ERICH3: variants seen among roughly 807,000 people sequenced by gnomAD.
ERICH3 encodes glutamate-rich protein 3.
A neutral mutation model predicts 131.1 loss-of-function variants in ERICH3; 126 were observed. The ratio of observed to expected loss-of-function variants is 0.96; its 90% CI spans 0.83 to 1.11. The LOEUF (loss-of-function observed/expected upper bound fraction) is 1.11, where lower values mean the gene tolerates loss of function less well. Ranked by LOEUF, ERICH3 falls within the 50% of genes most tolerant of loss-of-function variation. The probability of loss-of-function intolerance (pLI) is 0.00; values close to 1 mark genes in which losing one functional copy is unlikely to be tolerated. For missense variants in ERICH3, 2,050 were observed against 1,810.7 expected, an observed-to-expected ratio of 1.13 and a Z score of -2.40; for synonymous variants, 695 against 644.6, an observed-to-expected ratio of 1.08 and a Z score of -1.18.
rs145501765 is a variant in ERICH3 at position 74,635,934 on chromosome 1, G to A, written c.603+346C>T. 4.3e-3 allele frequency among the ~76,000 whole-genome samples: 660 copies of A among 152,286 alleles called. 5 individuals are homozygous for A. The highest frequency in any genetic ancestry group is 0.015 in the African/African-American group (627 of 41,584). On this transcript the variant is annotated intron_variant, in intron 6 of 14. Transcript: ENST00000326665. Reference sequence around the variant, plus strand: ...AAGTTTCATTTTCTAGGTTTCATGCGTTTAAAATTTGGAAGAAGTCAACAC... The same window carrying A: ...AAGTTTCATTTTCTAGGTTTCATGCATTTAAAATTTGGAAGAAGTCAACAC...
chr1:74,597,109 G>T (rs1291566291), intron 11 of ERICH3, among the ~76,000 whole-genome samples: 1 of 152,036 alleles, frequency 6.6e-6, no homozygotes, highest in Non-Finnish European at 1.5e-5. Context: ...CACACTTTTG[G>T]AAATGAAATG....
chr1:74,638,220 T>C (rs74703922), intron 5 of ERICH3, among the ~76,000 whole-genome samples: 4,251 of 152,300 alleles, frequency 0.028, 203 homozygotes, highest in African/African-American at 0.097. Context: ...TGTCATATGT[T>C]GCTAAATCTC....
At chr1:74,587,978 T>G (rs1454297542) in intron 12 of ERICH3, among the ~76,000 whole-genome samples, 1 of 152,252 alleles carries the variant, frequency 6.6e-6, no homozygotes, top group African/African-American at 2.4e-5. Context: ...TTGTAAATTC[T>G]TAGGATTTTG....
intron 5 of ERICH3, 148 bp downstream of exon 5, chr1:74,641,183 G>A: frequency 1.1e-6 from 1 of 886,522 alleles, no homozygotes; most frequent in Non-Finnish European, 1.7e-6. Flanking sequence ...AGAAGAGACA[G>A]AGTTGAACAG....
chr1:74,633,145 G>T (rs1328801434), intron 6 of ERICH3, among the ~76,000 whole-genome samples: 3 of 88,188 alleles, frequency 3.4e-5, no homozygotes, highest in African/African-American at 1.8e-4. Context: ...GTGAAAAATT[G>T]TTTTGTAGAA....
intron 1 of ERICH3, among the ~76,000 whole-genome samples, chr1:74,654,217 G>A (rs1264691582): frequency 6.6e-6 from 1 of 152,028 alleles, no homozygotes; most frequent in Non-Finnish European, 1.5e-5. Flanking sequence ...TGGCAATCTA[G>A]GCTTTTTCTA....
intron 1 of ERICH3, among the ~76,000 whole-genome samples, chr1:74,664,859 T>A (rs1347099326): frequency 6.6e-6 from 1 of 152,154 alleles, no homozygotes; most frequent in Admixed American, 6.5e-5. Flanking sequence ...CCTGTAGAGA[T>A]CATTGATTTA....
chr1:74,587,137 A>G (rs1427236235), intron 12 of ERICH3, among the ~76,000 whole-genome samples: 2 of 151,992 alleles, frequency 1.3e-5, no homozygotes, highest in South Asian at 4.1e-4. Context: ...CATCCTGGCT[A>G]ACACGGTGAA....
intron 1 of ERICH3, among the ~76,000 whole-genome samples, chr1:74,664,612 TA>T (rs1646672420): frequency 6.6e-6 from 1 of 152,318 alleles, no homozygotes; most frequent in East Asian, 1.9e-4. Flanking sequence ...TCATAACTAC[TA>T]TGTGCAATTT....
At position 74,572,847 on chromosome 1, in the gene ERICH3, C is replaced by T. The variant is rs1646981264; in HGVS notation, c.2863G>A (p.Asp955Asn). ...GCTGTGTCCTCCATGGGTCCTGTGTCCTCTAGGTCTATGGATGCTTCCTCT... is the reference window on the plus strand; with the variant it reads ...GCTGTGTCCTCCATGGGTCCTGTGTTCTCTAGGTCTATGGATGCTTCCTCT... ...SEEEASIDLE[D>N]TGPMEDTASK... Residue 955 changes from aspartate (D) to asparagine (N), a missense_variant, in exon 14 of 15, where the codon GAC becomes AAC. Physicochemically the swap from Asp to Asn is conservative, Grantham distance 23. Transcript: ENST00000326665. 6.2e-7 allele frequency: 1 copy of T among 1,613,740 alleles called. No homozygotes were observed.
At chr1:74,599,631 CAAAGA>C (rs1179982579) in intron 11 of ERICH3, 59 bp downstream of exon 11, 13 of 1,304,730 alleles carry the variant, frequency 1.0e-5, no homozygotes, top group Admixed American at 5.0e-5. Context: ...AAATAGAAAA[CAAAGA>C]AAAGTAGTAA....
intron 7 of ERICH3, among the ~76,000 whole-genome samples, chr1:74,630,315 C>G (rs1649551632): frequency 6.6e-6 from 1 of 152,188 alleles, no homozygotes; most frequent in Non-Finnish European, 1.5e-5. Context: ...CAAATATTCG[C>G]TGCCCTTTTC....
chr1:74,666,184 CA>C, intron 1 of ERICH3, among the ~76,000 whole-genome samples: 1 of 152,156 alleles, frequency 6.6e-6, no homozygotes, highest in Non-Finnish European at 1.5e-5. Flanking sequence ...CTTTTACTGT[CA>C]GAAAAAACTG....
chr1:74,581,120 A>C (rs1557667188), intron 12 of ERICH3, among the ~76,000 whole-genome samples: 1 of 152,210 alleles, frequency 6.6e-6, no homozygotes, highest in Non-Finnish European at 1.5e-5. Flanking sequence ...ATTTTTTTCA[A>C]ATCCCAAACT....
chr1:74,656,663 T>C (rs933286264), intron 1 of ERICH3, among the ~76,000 whole-genome samples: 2 of 152,210 alleles, frequency 1.3e-5, no homozygotes, highest in Admixed American at 1.3e-4. Context: ...TAAAGCTTCA[T>C]CATTTTTGGA....
chr1:74,587,840 A>G (rs1312785052), intron 12 of ERICH3, among the ~76,000 whole-genome samples: 1 of 152,218 alleles, frequency 6.6e-6, no homozygotes, highest in Non-Finnish European at 1.5e-5. Flanking sequence ...ATTTTATAAA[A>G]GGGTTTCAAA....
chr1:74,647,092 A>G (rs1379408286), intron 2 of ERICH3, among the ~76,000 whole-genome samples: 2 of 152,142 alleles, frequency 1.3e-5, no homozygotes, highest in South Asian at 4.1e-4. Flanking sequence ...TGAGGCAAAA[A>G]GGAGAAAGGC....
At chr1:74,638,422 C>A (rs1293079764) in intron 5 of ERICH3, among the ~76,000 whole-genome samples, 1 of 152,068 alleles carries the variant, frequency 6.6e-6, no homozygotes, top group Non-Finnish European at 1.5e-5. Flanking sequence ...TTAGGGTAAG[C>A]CAAAGAGGCT....
At chr1:74,590,346 G>A (rs529742692) in intron 11 of ERICH3, among the ~76,000 whole-genome samples, 24 of 152,092 alleles carry the variant, frequency 1.6e-4, no homozygotes, top group African/African-American at 4.6e-4. Context: ...TATTGTGCAC[G>A]TTATTTCCAT....
Sources: gnomAD v4.1 joint callset for allele counts (sites outside exome capture counted in the v4.1 genomes callset) on GRCh38, gnomAD v4.1.1 for gene constraint, MANE v1.5 for transcripts, NCBI Gene and HGNC (gene_info 2026-07-23, HGNC 2026-07-21) for gene names.